The following PTPRG variants were observed in gnomAD, a reference collection of about 807,000 sequenced individuals.
PTPRG encodes receptor-type tyrosine-protein phosphatase gamma.
A neutral mutation model predicts 165.3 loss-of-function variants in PTPRG; 102 were observed. The observed-to-expected ratio is 0.62, with a 90% CI of 0.53 to 0.73. The LOEUF (loss-of-function observed/expected upper bound fraction) is 0.73, where lower values mean the gene tolerates loss of function less well. Ranked by LOEUF, PTPRG falls within the 30% of genes least tolerant of loss-of-function variation. The pLI is 0.00. For missense variants in PTPRG, 1,866 were observed against 1,861.4 expected (o/e 1.00, Z -0.05); for synonymous variants, 675 against 669.5 (o/e 1.01, Z -0.13).
At chr3:61,621,996 A>G (rs1316306791) in intron 1 of PTPRG, among the ~76,000 whole-genome samples, 1 of 152,220 alleles carries the variant, frequency 6.6e-6, no homozygotes, top group Non-Finnish European at 1.5e-5. Flanking sequence ...AAGTCCTGAA[A>G]GTATTTCTTG....
intron 2 of PTPRG, among the ~76,000 whole-genome samples, chr3:61,894,719 G>C (rs9857611): frequency 0.019 from 2,868 of 152,242 alleles, 89 homozygotes; most frequent in African/African-American, 0.066. Flanking sequence ...TTAAAACATG[G>C]TCACAAAGAA....
chr3:61,849,375 G>C (rs1430909054), intron 2 of PTPRG, among the ~76,000 whole-genome samples: 6 of 152,108 alleles, frequency 3.9e-5, no homozygotes, highest in Non-Finnish European at 7.3e-5. Flanking sequence ...TAATTTTACA[G>C]GGTTTTATTT....
intron 1 of PTPRG, among the ~76,000 whole-genome samples, chr3:61,627,155 G>A (rs1211151098): frequency 6.6e-6 from 1 of 151,704 alleles, no homozygotes; most frequent in Non-Finnish European, 1.5e-5. Flanking sequence ...CCTGATTTAT[G>A]GAATTATTGT....
At chr3:61,926,147 A>G (rs188016881) in intron 2 of PTPRG, among the ~76,000 whole-genome samples, 4 of 152,178 alleles carry the variant, frequency 2.6e-5, no homozygotes, top group Non-Finnish European at 5.9e-5. Context: ...AAGGAAATCC[A>G]TGGAAATAAA....
Position 62,255,364 on chromosome 3 carries a change from C to T in PTPRG, c.2559+149C>T. The T allele has an allele frequency of 4.9e-6, 3 of 609,282 alleles. No individual in the cohort carries two copies. The highest frequency in any genetic ancestry group is 8.3e-6 in the Non-Finnish European group (3 of 359,472). The allele number at this position is 609,282 out of a possible 1,614,324, so 37.7% of individuals were successfully genotyped here. A position where few individuals can be genotyped will look rare whatever the true frequency, so the allele number is the denominator to read the frequency against. On this transcript the variant is annotated intron_variant, in intron 16 of 29. Transcript: ENST00000474889. The surrounding 1 kb of genome is among the most constrained non-coding windows in gnomAD (Gnocchi z 4.0). ...TCTTTTCATCTATTATTTTAATAGGCATTCTTTTCCAAATAAAATTTAGGT... is the reference window on the plus strand; with the variant it reads ...TCTTTTCATCTATTATTTTAATAGGTATTCTTTTCCAAATAAAATTTAGGT...
chr3:62,176,616 A>G (rs538917728), intron 8 of PTPRG, among the ~76,000 whole-genome samples: 86 of 152,194 alleles, frequency 5.7e-4, no homozygotes, highest in African/African-American at 2.0e-3. Flanking sequence ...CTCAGTCTTT[A>G]TCTGCTTGGC....
At chr3:61,677,707 A>G (rs1159068757) in intron 1 of PTPRG, among the ~76,000 whole-genome samples, 1 of 152,168 alleles carries the variant, frequency 6.6e-6, no homozygotes, top group Admixed American at 6.5e-5. Flanking sequence ...TTGATTTGGA[A>G]CAAACCAAGC....
rs570860198 is a variant in PTPRG, at chr3:62,255,795, T to C, written c.2559+580T>C. Among the ~76,000 whole-genome samples, 4 of 152,300 alleles carry C rather than the reference T, an allele frequency of 2.6e-5. No homozygotes were observed. In the East Asian group the frequency reaches 7.7e-4, roughly 29 times the overall value. ...TGTTAAGAACCATGCAAAGGTTGACTGTTGTTGTTTTCATGATTATTAATC... is the reference window on the plus strand; with the variant it reads ...TGTTAAGAACCATGCAAAGGTTGACCGTTGTTGTTTTCATGATTATTAATC... On this transcript the variant is annotated intron_variant, in intron 16 of 29. Coordinates refer to ENST00000474889, the MANE Select transcript of PTPRG (RefSeq NM_002841.4). The surrounding 1 kb of genome is among the most constrained non-coding windows in gnomAD (Gnocchi z 4.0).
At chr3:61,739,241 T>TA (rs1171523860) in intron 1 of PTPRG, 2 of 152,130 alleles carry the variant, frequency 1.3e-5, no homozygotes, top group African/African-American at 4.8e-5. Flanking sequence ...TTCTTATTTA[T>TA]AGACAATAAC....
rs114909641 is a variant in PTPRG, at chr3:61,833,455, G to A, written c.190+84473G>A. Among the ~76,000 whole-genome samples the A allele has an allele frequency of 2.3e-3, 351 of 152,248 alleles. 3 individuals are homozygous for A. The highest frequency in any genetic ancestry group is 7.4e-3 in the African/African-American group (308 of 41,540). On this transcript the variant is annotated intron_variant, in intron 2 of 29. Coordinates refer to ENST00000474889, the MANE Select transcript of PTPRG (RefSeq NM_002841.4). The stretch of plus-strand genomic sequence containing the variant: ...GTTTGTGACAATTCCAGACCTAAGC[G>A]AGAGTCCCTGCGAGGATGTAGTGAG...
At chr3:61,681,346 C>G (rs1703434521) in intron 1 of PTPRG, among the ~76,000 whole-genome samples, 1 of 152,220 alleles carries the variant, frequency 6.6e-6, no homozygotes, top group South Asian at 2.1e-4. Flanking sequence ...CTGTAATGAT[C>G]CAATGCTGAA....
Position 62,265,898 on chromosome 3 carries a change from C to T in PTPRG, c.2657-1512C>T, listed in dbSNP as rs73840294. 1.7e-3 allele frequency among the ~76,000 whole-genome samples: 161 copies of T among 96,682 alleles called. 1 individual carries two copies. Among genetic ancestry groups the T allele is most frequent in the African/African-American group, 6.8e-3 (143 of 20,928 alleles). The allele number at this position is 96,682 out of a possible 152,430, so 63.4% of individuals were successfully genotyped here. On this transcript the variant is annotated intron_variant, in intron 17 of 29. Coordinates refer to ENST00000474889, the MANE Select transcript of PTPRG (RefSeq NM_002841.4). ...CACGTATACATCTGTGCCTTATATA[C>T]ACACACACACACACACACACACACA...
At chr3:62,016,033 C>T (rs2041536734) in intron 4 of PTPRG, among the ~76,000 whole-genome samples, 1 of 151,660 alleles carries the variant, frequency 6.6e-6, no homozygotes, top group Non-Finnish European at 1.5e-5. Flanking sequence ...ATGTTATATA[C>T]TAAAGAATGT....
At chr3:61,840,401 T>C (rs942447448) in intron 2 of PTPRG, among the ~76,000 whole-genome samples, 1 of 152,202 alleles carries the variant, frequency 6.6e-6, no homozygotes, top group Non-Finnish European at 1.5e-5. Context: ...ATGCTTTATA[T>C]GTTGAATTAT....
At chr3:61,967,420 T>G (rs78102155) in intron 2 of PTPRG, among the ~76,000 whole-genome samples, 1,994 of 152,296 alleles carry the variant, frequency 0.013, 40 homozygotes, top group African/African-American at 0.045. Flanking sequence ...TTCAACTCCT[T>G]AATCTCCATT....
At chr3:61,854,432 T>A (rs756919177) in intron 2 of PTPRG, among the ~76,000 whole-genome samples, 1 of 152,214 alleles carries the variant, frequency 6.6e-6, no homozygotes, top group Non-Finnish European at 1.5e-5. Context: ...AATTGATTCC[T>A]CTGTCTTCTC....
At chr3:61,918,332 A>G (rs890433744) in intron 2 of PTPRG, among the ~76,000 whole-genome samples, 3 of 152,192 alleles carry the variant, frequency 2.0e-5, no homozygotes, top group Non-Finnish European at 4.4e-5. Context: ...TATAAATGAG[A>G]AAGGAAATCA....
intron 1 of PTPRG, among the ~76,000 whole-genome samples, chr3:61,718,213 C>CAA (rs376955925): frequency 1.3e-3 from 130 of 102,428 alleles, no homozygotes; most frequent in African/African-American, 2.7e-3. Context: ...AAACAAAAAC[C>CAA]AAAAAAAAAA....
rs929735721 is a variant in PTPRG at position 62,296,650 on chromosome 3, T to C, written c.*3343T>C. On this transcript the variant is annotated 3_prime_UTR_variant, in exon 30 of 30. Transcript: ENST00000474889. ...TTTTATATGAAGGGAAAATGCCTGC[T>C]TTTTTTTTTTTTTTAACAGATGTAA... 7.4e-6 allele frequency: 1 copy of C among 134,562 alleles called. No homozygotes were observed. Among genetic ancestry groups the C allele is most frequent in the Non-Finnish European group, 1.6e-5 (1 of 62,822 alleles). The allele number at this position is 134,562 out of a possible 1,614,324, so 8.3% of individuals were successfully genotyped here.
Sources: allele counts gnomAD v4.1 joint callset (sites outside exome capture counted in the v4.1 genomes callset), GRCh38; gene constraint gnomAD v4.1.1; non-coding constraint Gnocchi (gnomAD v3.1); transcripts MANE v1.5; gene names NCBI Gene and HGNC (gene_info 2026-07-23, HGNC 2026-07-21).